FOXN3: variants seen among roughly 807,000 people sequenced by gnomAD.
FOXN3 encodes forkhead box N3, also known as forkhead box protein N3.
Under a neutral mutation model 38.4 loss-of-function variants are expected in FOXN3, and 7 were observed. That is an observed-to-expected ratio of 0.18 (90% CI 0.10 to 0.34). FOXN3 has a LOEUF of 0.34. Among genes scored for constraint, FOXN3 ranks in the 10% least tolerant of loss-of-function variants. FOXN3 has a pLI of 1.00. For missense variants in FOXN3, 456 were observed against 613.4 expected, an observed-to-expected ratio of 0.74 and a Z score of 2.71; for synonymous variants, 230 against 242.2, an observed-to-expected ratio of 0.95 and a Z score of 0.47.
upstream of FOXN3, among the ~76,000 whole-genome samples, chr14:89,420,534 A>G (rs1431511446): frequency 6.6e-6 from 1 of 152,204 alleles, no homozygotes; most frequent in Non-Finnish European, 1.5e-5. Flanking sequence ...GTGCCTGGAT[A>G]TGTGTATTTT....
chr14:89,191,806 G>A (rs1260197092), intron 4 of FOXN3, among the ~76,000 whole-genome samples: 2 of 149,656 alleles, frequency 1.3e-5, no homozygotes, highest in South Asian at 2.1e-4. Flanking sequence ...TATTTTGCCT[G>A]CAGGAGGCCT....
chr14:89,592,278 G>C (rs968729862), intron 1 of FOXN3, among the ~76,000 whole-genome samples: 2 of 152,054 alleles, frequency 1.3e-5, no homozygotes, highest in Non-Finnish European at 2.9e-5. Context: ...TAATTTTTTG[G>C]GGGGAGAAGG....
chr14:89,367,629 G>T (rs1005184803), intron 2 of FOXN3, among the ~76,000 whole-genome samples: 1 of 152,150 alleles, frequency 6.6e-6, no homozygotes, highest in African/African-American at 2.4e-5. Context: ...GACAGAACGG[G>T]GGTTGGACGC....
At position 89,533,638 on chromosome 14, in the gene FOXN3, G is replaced by A. The variant is rs569581499; in HGVS notation, c.-15+85390C>T. Among the ~76,000 whole-genome samples the A allele has an allele frequency of 2.4e-5, 3 of 125,100 alleles. No homozygotes were observed. In the East Asian group the frequency reaches 6.6e-4, roughly 28 times the overall value. The allele number at this position is 125,100 out of a possible 152,430, so 82.1% of individuals were successfully genotyped here. On this transcript the variant is annotated intron_variant, in intron 1 of 6. Coordinates refer to the FOXN3 transcript ENST00000345097. ...GATCGCACCACTGCACTCCAGCCTG[G>A]GTGACAGAGGGAGACTCTGTCTCAA...
intron 2 of FOXN3, among the ~76,000 whole-genome samples, chr14:89,368,876 C>T (rs1190584979): frequency 1.3e-5 from 2 of 152,126 alleles, no homozygotes; most frequent in African/African-American, 4.8e-5. Flanking sequence ...TGATAGCCAA[C>T]GAGAGGGCTA....
At chr14:89,285,258 C>T (rs559566385) in intron 3 of FOXN3, among the ~76,000 whole-genome samples, 74 of 152,298 alleles carry the variant, frequency 4.9e-4, no homozygotes, top group South Asian at 6.2e-4. Flanking sequence ...TCGTGGCTCA[C>T]GCCTGTAATC....
At chr14:89,525,239 T>G (rs1426418020) in intron 1 of FOXN3, among the ~76,000 whole-genome samples, 1 of 152,030 alleles carries the variant, frequency 6.6e-6, no homozygotes, top group Non-Finnish European at 1.5e-5. Flanking sequence ...ATAAAGACCT[T>G]GCTAATAAAA....
At chr14:89,189,055 G>A (rs1234369397) in intron 4 of FOXN3, among the ~76,000 whole-genome samples, 4 of 152,068 alleles carry the variant, frequency 2.6e-5, no homozygotes, top group Non-Finnish European at 2.9e-5. Context: ...TAGACTGTTC[G>A]GAACAGGTAA....
At chr14:89,592,060 A>G (rs1451276080) in intron 1 of FOXN3, among the ~76,000 whole-genome samples, 1 of 152,202 alleles carries the variant, frequency 6.6e-6, no homozygotes, top group Non-Finnish European at 1.5e-5. Context: ...TTAAAAGAAC[A>G]AGAAACATTT....
At chr14:89,454,828 A>T (rs1311357141) in intron 1 of FOXN3, among the ~76,000 whole-genome samples, 1 of 152,234 alleles carries the variant, frequency 6.6e-6, no homozygotes, top group Non-Finnish European at 1.5e-5. Flanking sequence ...AATGAACTCC[A>T]TCTTCATGTT....
At chr14:89,314,834 G>A (rs950379493) in intron 3 of FOXN3, among the ~76,000 whole-genome samples, 2 of 152,086 alleles carry the variant, frequency 1.3e-5, no homozygotes, top group Non-Finnish European at 2.9e-5. Flanking sequence ...AGCTAACCGA[G>A]AACCTTCAAA....
chr14:89,215,525 T>C (rs1425669220), intron 4 of FOXN3, among the ~76,000 whole-genome samples: 3 of 152,200 alleles, frequency 2.0e-5, no homozygotes, highest in Admixed American at 6.5e-5. Flanking sequence ...TTTATACCCC[T>C]GAGGCAAAAT....
At chr14:89,251,999 G>A (rs547590846) in intron 4 of FOXN3, among the ~76,000 whole-genome samples, 1 of 152,328 alleles carries the variant, frequency 6.6e-6, no homozygotes, top group East Asian at 1.9e-4. Flanking sequence ...GGCTGAAACA[G>A]GGATAGTTCT....
chr14:89,316,596 A>G (rs1245542932), intron 3 of FOXN3, among the ~76,000 whole-genome samples: 5 of 151,460 alleles, frequency 3.3e-5, no homozygotes, highest in Non-Finnish European at 5.9e-5. Flanking sequence ...CCTGGGCTCA[A>G]GTGATCCTCT....
At chr14:89,346,153 T>C (rs1346163445) in intron 3 of FOXN3, among the ~76,000 whole-genome samples, 1 of 152,216 alleles carries the variant, frequency 6.6e-6, no homozygotes, top group African/African-American at 2.4e-5. Context: ...CCATGGTGTA[T>C]ATATACCACA....
chr14:89,352,962 C>T (rs1889039578), intron 2 of FOXN3, among the ~76,000 whole-genome samples: 3 of 152,274 alleles, frequency 2.0e-5, no homozygotes, highest in Middle Eastern at 6.8e-3. Context: ...TGCACTCCAG[C>T]TGGGGCAAGA....
intron 1 of FOXN3, among the ~76,000 whole-genome samples, chr14:89,489,420 T>C (rs143300643): frequency 1.3e-5 from 2 of 152,328 alleles, no homozygotes; most frequent in East Asian, 3.9e-4. Context: ...CTTGAGATTC[T>C]CCTTTTAAAT....
Position 89,611,723 on chromosome 14 carries a change from G to C in FOXN3, c.-15+7305C>G, listed in dbSNP as rs191730243. On this transcript the variant is annotated intron_variant, in intron 1 of 6. Coordinates refer to the FOXN3 transcript ENST00000345097. ...GGGGAGGCTGAGGCAGGAGAACGGC[G>C]TGAACCTGGGAGGCGGAGCTTGCAG... Among the ~76,000 whole-genome samples the C allele has an allele frequency of 5.1e-3, 770 of 150,480 alleles. 10 individuals are homozygous for C. Among genetic ancestry groups the C allele is most frequent in the African/African-American group, 0.018 (723 of 40,884 alleles).
intron 4 of FOXN3, among the ~76,000 whole-genome samples, chr14:89,264,349 A>G (rs1337822571): frequency 6.6e-6 from 1 of 152,218 alleles, no homozygotes; most frequent in African/African-American, 2.4e-5. Context: ...AAGAGAGCCA[A>G]GCAAAAGGGG....
Sources: gnomAD v4.1 joint callset for allele counts (sites outside exome capture counted in the v4.1 genomes callset) on GRCh38, gnomAD v4.1.1 for gene constraint, MANE v1.5 for transcripts, NCBI Gene and HGNC (gene_info 2026-07-23, HGNC 2026-07-21) for gene names.